SDK2: variants seen among roughly 807,000 people sequenced by gnomAD.
SDK2 encodes sidekick cell adhesion molecule 2, also known as protein sidekick-2.
SDK2 carries 105 observed loss-of-function variants against 253.9 expected under a neutral mutation model. The observed-to-expected ratio is 0.41, with a 90% CI of 0.35 to 0.49. SDK2 has a LOEUF of 0.49. SDK2 is among the 20% of genes least tolerant of loss of function. The pLI, the probability that SDK2 is intolerant of heterozygous loss-of-function variation, is 0.06. For missense variants in SDK2, 2,608 were observed against 3,003.0 expected, an observed-to-expected ratio of 0.87 and a Z score of 3.07; for synonymous variants, 1,249 against 1,234.9, an observed-to-expected ratio of 1.01 and a Z score of -0.24.
At chr17:73,504,268 AAGAGAG>A (rs72249865) in intron 2 of SDK2, 11 of 123,114 alleles carry the variant, frequency 8.9e-5, no homozygotes, top group South Asian at 5.4e-4. Context: ...GTGTGTGTGA[AAGAGAG>A]AGAGAGAGAG....
intron 2 of SDK2, among the ~76,000 whole-genome samples, chr17:73,491,951 A>C (rs2145730131): frequency 6.6e-6 from 1 of 151,976 alleles, no homozygotes; most frequent in Non-Finnish European, 1.5e-5. Context: ...TTTTACAGTG[A>C]CCCCCATCAG....
chr17:73,402,263 C>T (rs1355267683), intron 18 of SDK2, 122 bp from the exon 19 acceptor site: 8 of 1,034,052 alleles, frequency 7.7e-6, no homozygotes, highest in African/African-American at 4.8e-5. Flanking sequence ...TGTGGTGCCT[C>T]CTCCGAGGGA....
chr17:73,367,788 G>A (rs2062698458), intron 37 of SDK2, among the ~76,000 whole-genome samples: 1 of 152,170 alleles, frequency 6.6e-6, no homozygotes, highest in African/African-American at 2.4e-5. Context: ...ACAGGCGTGA[G>A]CCACCATGCC....
At chr17:73,464,283 C>T (rs776553529) in intron 3 of SDK2, among the ~76,000 whole-genome samples, 8 of 152,250 alleles carry the variant, frequency 5.3e-5, no homozygotes, top group East Asian at 3.9e-4. Flanking sequence ...TCCCCCATAC[C>T]GTTCTCGTGA....
rs1568389165 is a variant in SDK2 at position 73,412,017 on chromosome 17, TAC to T, written c.2484+2625_2484+2626del. Among the ~76,000 whole-genome samples, 359 of 50,734 alleles carry T rather than the reference TAC, an allele frequency of 7.1e-3. 1 individual carries two copies. Among genetic ancestry groups the T allele is most frequent in the Non-Finnish European group, 0.01 (267 of 25,998 alleles). 33.3% of individuals were successfully genotyped at this position (50,734 alleles called of 152,430 possible). ...ATATACACACATATATATGTAGATATACGTATATGTATATATACGTATATATA... is the reference window on the plus strand; with the variant it reads ...ATATACACACATATATATGTAGATATGTATATGTATATATACGTATATATA... On this transcript the variant is annotated intron_variant, in intron 18 of 44. Transcript: ENST00000392650.
At chr17:73,604,264 C>T (rs767902097) in intron 1 of SDK2, among the ~76,000 whole-genome samples, 7 of 152,240 alleles carry the variant, frequency 4.6e-5, no homozygotes, top group East Asian at 1.9e-4. Context: ...GCCTGCATTC[C>T]GGGCAGGGTG....
Position 73,472,302 on chromosome 17 carries a change from C to G in SDK2, c.225-84G>C, listed in dbSNP as rs935907396. The stretch of plus-strand genomic sequence containing the variant: ...CAGATTGGGCTCAGAGGTCAGAGGT[C>G]GCCAGGTCACCCTCTTTTGGAATAA... On this transcript the variant is annotated intron_variant, in intron 2 of 44. Coordinates refer to ENST00000392650, the MANE Select transcript of SDK2 (RefSeq NM_001144952.2). 1.8e-4 allele frequency: 160 copies of G among 876,200 alleles called. 1 individual carries two copies. In the Middle Eastern group the frequency reaches 2.2e-3, roughly 12 times the overall value. 54.3% of individuals were successfully genotyped at this position (876,200 alleles called of 1,614,324 possible). A position where few individuals can be genotyped will look rare whatever the true frequency, so the allele number is the denominator to read the frequency against.
chr17:73,340,734 GTTTTTTTTTTT>G (rs10638504), intron 44 of SDK2, among the ~76,000 whole-genome samples: 18 of 77,548 alleles, frequency 2.3e-4, no homozygotes, highest in South Asian at 6.2e-4. Flanking sequence ...AAACCTTAAA[GTTTTTTTTTTT>G]TTTTTTTTTT....
intron 41 of SDK2, among the ~76,000 whole-genome samples, chr17:73,351,380 G>T (rs993613765): frequency 2.6e-5 from 4 of 152,182 alleles, no homozygotes; most frequent in Non-Finnish European, 5.9e-5. Context: ...AAAGTGTTGG[G>T]ATTACAGACG....
At chr17:73,448,240 A>T (rs928194923) in intron 4 of SDK2, among the ~76,000 whole-genome samples, 2 of 152,358 alleles carry the variant, frequency 1.3e-5, no homozygotes, top group African/African-American at 2.4e-5. Context: ...GGGCCATTCC[A>T]GAGTCCATGC....
Position 73,401,075 on chromosome 17 carries a change from G to A in SDK2, c.2916C>T (p.Thr972=). 1 of 1,573,654 alleles carries A rather than the reference G, an allele frequency of 6.4e-7. No homozygotes were observed. Among genetic ancestry groups the A allele is most frequent in the Admixed American group, 1.9e-5 (1 of 53,796 alleles). Residue 972 remains threonine, a synonymous_variant, in exon 21 of 45, where the codon ACC becomes ACT. Coordinates refer to ENST00000392650, the MANE Select transcript of SDK2 (RefSeq NM_001144952.2). ...CGGACACTTGGCCCTGGCCCTTTGA[G>A]GTCATGGCGGCCACCTCGATGGTGT... ...TTYTIEVAAM[T]SKGQGQVSAS...
intron 44 of SDK2, among the ~76,000 whole-genome samples, chr17:73,342,957 G>C (rs1238129906): frequency 6.6e-6 from 1 of 152,214 alleles, no homozygotes; most frequent in African/African-American, 2.4e-5. Flanking sequence ...TCCCCTGGGA[G>C]GGATTAGAAG....
At chr17:73,576,418 A>G (rs1394884288) in intron 1 of SDK2, among the ~76,000 whole-genome samples, 2 of 152,162 alleles carry the variant, frequency 1.3e-5, no homozygotes, top group African/African-American at 4.8e-5. Flanking sequence ...GGGTGTCACA[A>G]GGATATGAAG....
chr17:73,365,409 CA>C lies in SDK2; in HGVS notation c.5168-15del. On this transcript the variant is annotated splice_polypyrimidine_tract_variant and intron_variant, in intron 37 of 44. Transcript: ENST00000392650. Reference sequence around the variant, plus strand: ...GAGCGCTGGGGGCTGCGGGAGACAGCAAAGGGTTTTTGTTTCCTTCTTCTGT... The same window carrying C: ...GAGCGCTGGGGGCTGCGGGAGACAGCAAGGGTTTTTGTTTCCTTCTTCTGT... 1 of 1,592,818 alleles carries C rather than the reference CA, an allele frequency of 6.3e-7. No homozygotes were observed. The highest frequency in any genetic ancestry group is 8.5e-7 in the Non-Finnish European group (1 of 1,171,424).
intron 39 of SDK2, among the ~76,000 whole-genome samples, chr17:73,360,745 G>C (rs530596677): frequency 5.3e-5 from 8 of 152,190 alleles, no homozygotes; most frequent in Admixed American, 2.0e-4. Context: ...AGGAGTTGGA[G>C]ACCAGCCTGG....
chr17:73,567,016 G>C (rs1451932314), intron 1 of SDK2, among the ~76,000 whole-genome samples: 1 of 152,112 alleles, frequency 6.6e-6, no homozygotes, highest in Non-Finnish European at 1.5e-5. Flanking sequence ...GACTAAACGG[G>C]AGTCAAGCAC....
At chr17:73,484,373 C>T (rs2063757320) in intron 2 of SDK2, among the ~76,000 whole-genome samples, 1 of 152,230 alleles carries the variant, frequency 6.6e-6, no homozygotes, top group Non-Finnish European at 1.5e-5. Context: ...TCACTCCAGC[C>T]TCCCAGGTGT....
In SDK2 at chr17:73,422,241, C is replaced by T. The variant is rs200043081; in HGVS notation, c.2045+46G>A. On this transcript the variant is annotated intron_variant, in intron 15 of 44. Transcript: ENST00000392650. The stretch of plus-strand genomic sequence containing the variant: ...CATCGGTTTCGGCTGCAGCCCCTGC[C>T]TGTTGGAGTCCTGGCGACGCCCCTG... 4 of 1,603,302 alleles carry T rather than the reference C, an allele frequency of 2.5e-6. No individual in the cohort carries two copies. In the African/African-American group the frequency reaches 5.4e-5, roughly 21 times the overall value.
chr17:73,425,683 T>G (rs2063275966), intron 12 of SDK2, among the ~76,000 whole-genome samples: 1 of 152,086 alleles, frequency 6.6e-6, no homozygotes, highest in Non-Finnish European at 1.5e-5. Context: ...AATTTTGTAT[T>G]TTTAGTAGAG....
Sources: gnomAD v4.1 joint callset for allele counts (sites outside exome capture counted in the v4.1 genomes callset) on GRCh38, gnomAD v4.1.1 for gene constraint, MANE v1.5 for transcripts, NCBI Gene and HGNC (gene_info 2026-07-23, HGNC 2026-07-21) for gene names.